ITFG1: variants seen among roughly 807,000 people sequenced by gnomAD.
The protein encoded by ITFG1 is integrin alpha FG-GAP repeat containing 1.
In ITFG1, 34 loss-of-function variants were observed where a neutral mutation model predicts 81.8. That is an observed-to-expected ratio of 0.42 (90% CI 0.32 to 0.55). ITFG1 has a LOEUF of 0.55. Among genes scored for constraint, ITFG1 ranks in the 20% least tolerant of loss-of-function variants. The pLI, the probability that ITFG1 is intolerant of heterozygous loss-of-function variation, is 0.17. For synonymous variants in ITFG1, 285 were observed against 270.6 expected (o/e 1.05, Z -0.52); for missense variants, 672 against 755.4 (o/e 0.89, Z 1.29).
At chr16:47,294,676 A>G (rs1242274693) in intron 10 of ITFG1, among the ~76,000 whole-genome samples, 1 of 152,112 alleles carries the variant, frequency 6.6e-6, no homozygotes, top group Non-Finnish European at 1.5e-5. Flanking sequence ...GTATTGGTGT[A>G]TAGAAATGCT....
intron 8 of ITFG1, among the ~76,000 whole-genome samples, chr16:47,356,774 G>A (rs1968045524): frequency 6.6e-6 from 1 of 152,160 alleles, no homozygotes; most frequent in Non-Finnish European, 1.5e-5. Context: ...TGAAAATGTG[G>A]AGTTACGGAG....
chr16:47,187,507 G>T (rs1179259144), intron 14 of ITFG1, among the ~76,000 whole-genome samples: 1 of 152,102 alleles, frequency 6.6e-6, no homozygotes, highest in East Asian at 1.9e-4. Context: ...AACAAGCAAT[G>T]GGGAAAGGAT....
chr16:47,460,358 G>A (rs1172283615), intron 1 of ITFG1, among the ~76,000 whole-genome samples: 2 of 152,232 alleles, frequency 1.3e-5, no homozygotes, highest in Non-Finnish European at 2.9e-5. Flanking sequence ...GAATTAGGTA[G>A]GTGGGGAGGC....
chr16:47,287,346 G>T (rs559164764), intron 10 of ITFG1, among the ~76,000 whole-genome samples: 7 of 151,946 alleles, frequency 4.6e-5, no homozygotes, highest in African/African-American at 1.7e-4. Context: ...CCTCCCAAAG[G>T]GGGATTACAA....
chr16:47,385,173 TA>T (rs1467604479), intron 6 of ITFG1, among the ~76,000 whole-genome samples: 7 of 152,352 alleles, frequency 4.6e-5, no homozygotes, highest in Admixed American at 3.3e-4. Flanking sequence ...ATTGTGTTTA[TA>T]AAGGTCTGTA....
chr16:47,375,314 G>C (rs757641615), intron 7 of ITFG1, among the ~76,000 whole-genome samples: 188 of 151,844 alleles, frequency 1.2e-3, no homozygotes, highest in Admixed American at 2.0e-3. Flanking sequence ...ATTTCAGGTT[G>C]TTTATTCTTC....
chr16:47,372,054 A>G (rs1035852050), intron 7 of ITFG1, among the ~76,000 whole-genome samples: 1 of 151,748 alleles, frequency 6.6e-6, no homozygotes, highest in Non-Finnish European at 1.5e-5. Flanking sequence ...CTGGGACTAC[A>G]GGCGCCCGCC....
At chr16:47,200,169 C>T (rs548860307) in intron 14 of ITFG1, among the ~76,000 whole-genome samples, 10 of 152,256 alleles carry the variant, frequency 6.6e-5, no homozygotes, top group African/African-American at 2.2e-4. Flanking sequence ...TAGGCTATAC[C>T]ATCTGGGTTT....
intron 13 of ITFG1, among the ~76,000 whole-genome samples, chr16:47,225,294 T>C (rs1358107921): frequency 1.3e-5 from 2 of 151,944 alleles, no homozygotes; most frequent in Non-Finnish European, 2.9e-5. Context: ...CTCTGAGACA[T>C]ATGGAGCACC....
At chr16:47,182,329 T>C (rs915311534) in intron 14 of ITFG1, among the ~76,000 whole-genome samples, 1 of 151,496 alleles carries the variant, frequency 6.6e-6, no homozygotes, top group African/African-American at 2.4e-5. Flanking sequence ...ATGAGATGTC[T>C]AGTAGACGAT....
intron 8 of ITFG1, among the ~76,000 whole-genome samples, chr16:47,315,791 A>ATATATAT (rs199525088): frequency 6.7e-6 from 1 of 149,362 alleles, no homozygotes; most frequent in African/African-American, 2.6e-5. Context: ...ACATATATAT[A>ATATATAT]ATTTATTATT....
intron 13 of ITFG1, among the ~76,000 whole-genome samples, chr16:47,224,789 A>C (rs2151529402): frequency 6.6e-6 from 1 of 152,318 alleles, no homozygotes; most frequent in African/African-American, 2.4e-5. Context: ...CTGCTATAAT[A>C]AACATGTTCA....
chr16:47,177,622 TA>T (rs1218250494), intron 14 of ITFG1, among the ~76,000 whole-genome samples: 1 of 152,230 alleles, frequency 6.6e-6, no homozygotes, highest in Non-Finnish European at 1.5e-5. Flanking sequence ...TTAAAAAATA[TA>T]AAGTGATTTT....
intron 7 of ITFG1, among the ~76,000 whole-genome samples, chr16:47,368,754 A>G (rs1025251549): frequency 2.0e-5 from 3 of 152,126 alleles, no homozygotes; most frequent in African/African-American, 7.2e-5. Context: ...TTTGGTAAAT[A>G]TATCTAGAAA....
At chr16:47,226,727 T>A (rs1965762980) in intron 13 of ITFG1, among the ~76,000 whole-genome samples, 1 of 151,958 alleles carries the variant, frequency 6.6e-6, no homozygotes, top group South Asian at 2.1e-4. Context: ...TTTCATCTAT[T>A]TCAACCAAGG....
intron 14 of ITFG1, among the ~76,000 whole-genome samples, chr16:47,188,123 G>A (rs1346945023): frequency 2.0e-5 from 3 of 150,318 alleles, no homozygotes; most frequent in African/African-American, 7.3e-5. Context: ...ACAGGTGCTG[G>A]AGAGGATGTG....
intron 12 of ITFG1, among the ~76,000 whole-genome samples, chr16:47,256,136 G>A (rs1008095499): frequency 6.6e-6 from 1 of 152,006 alleles, no homozygotes; most frequent in Admixed American, 6.6e-5. Context: ...ACTAAATTTC[G>A]TATTTTTTAT....
chr16:47,424,311 A>C (rs1218986986), intron 6 of ITFG1, among the ~76,000 whole-genome samples: 1 of 152,122 alleles, frequency 6.6e-6, no homozygotes, highest in African/African-American at 2.4e-5. Flanking sequence ...TACACTGTTT[A>C]TTCTAGTTAG....
intron 5 of ITFG1, among the ~76,000 whole-genome samples, chr16:47,444,444 T>C (rs1969296777): frequency 6.6e-6 from 1 of 152,194 alleles, no homozygotes; most frequent in Non-Finnish European, 1.5e-5. Flanking sequence ...AATAACACTA[T>C]GCCTTTCTCA....
Sources: allele counts gnomAD v4.1 joint callset (sites outside exome capture counted in the v4.1 genomes callset), GRCh38; gene constraint gnomAD v4.1.1; transcripts MANE v1.5; gene names NCBI Gene and HGNC (gene_info 2026-07-23, HGNC 2026-07-21).